The following SSBP2 variants were observed in gnomAD, a reference collection of about 807,000 sequenced individuals.
SSBP2 encodes the protein single-stranded DNA-binding protein 2.
A neutral mutation model predicts 61.8 loss-of-function variants in SSBP2; 17 were observed. The observed-to-expected ratio is 0.28, with a 90% CI of 0.19 to 0.41. The LOEUF is 0.41. SSBP2 is among the 10% of genes least tolerant of loss of function. SSBP2 has a pLI of 1.00. For missense variants in SSBP2, 310 were observed against 458.7 expected, an observed-to-expected ratio of 0.68 and a Z score of 2.96; for synonymous variants, 139 against 141.3, an observed-to-expected ratio of 0.98 and a Z score of 0.12.
intron 4 of SSBP2, among the ~76,000 whole-genome samples, chr5:81,599,428 T>C (rs915182521): frequency 1.3e-5 from 2 of 152,244 alleles, no homozygotes; most frequent in Non-Finnish European, 2.9e-5. Flanking sequence ...AAATACTATA[T>C]GTTTTATTAT....
At chr5:81,634,996 ATG>A (rs1313805023) in intron 3 of SSBP2, among the ~76,000 whole-genome samples, 1 of 152,126 alleles carries the variant, frequency 6.6e-6, no homozygotes. Flanking sequence ...GAGGGTAGGG[ATG>A]TGTGTGTGTT....
intron 1 of SSBP2, among the ~76,000 whole-genome samples, chr5:81,655,878 A>T (rs762594585): frequency 6.6e-6 from 1 of 152,230 alleles, no homozygotes; most frequent in Non-Finnish European, 1.5e-5. Flanking sequence ...TATTCCTTCA[A>T]CTAGGCTTCA....
At chr5:81,648,600 G>A (rs1749469894) in intron 2 of SSBP2, among the ~76,000 whole-genome samples, 1 of 152,024 alleles carries the variant, frequency 6.6e-6, no homozygotes, top group Non-Finnish European at 1.5e-5. Flanking sequence ...CCAAACTGGT[G>A]AGATCACCAG....
In SSBP2 at chr5:81,655,570, C is replaced by G. The variant is rs956637090; in HGVS notation, c.63-5231G>C. Among the ~76,000 whole-genome samples, 3 of 152,210 alleles carry G rather than the reference C, an allele frequency of 2.0e-5. No homozygotes were observed. The East Asian group carries it at 5.8e-4, about 29-fold the overall frequency. On this transcript the variant is annotated intron_variant, in intron 1 of 16. Transcript: ENST00000320672. ...CAATTCTAGAGAGGGAGCCAAAGCCCGAAATGCAAAATATATCTGGTACAG... is the reference window on the plus strand; with the variant it reads ...CAATTCTAGAGAGGGAGCCAAAGCCGGAAATGCAAAATATATCTGGTACAG...
intron 1 of SSBP2, among the ~76,000 whole-genome samples, chr5:81,740,054 C>T (rs1271216944): frequency 6.6e-6 from 1 of 152,154 alleles, no homozygotes; most frequent in East Asian, 1.9e-4. Context: ...TGCTTATACT[C>T]TAATCTTTCT....
intron 4 of SSBP2, among the ~76,000 whole-genome samples, chr5:81,515,024 C>T (rs1404191395): frequency 2.0e-5 from 3 of 151,872 alleles, no homozygotes; most frequent in Non-Finnish European, 4.4e-5. Context: ...TTTCAATTAG[C>T]GCACATTAAT....
intron 4 of SSBP2, among the ~76,000 whole-genome samples, chr5:81,611,478 T>C (rs755160897): frequency 7.9e-5 from 12 of 152,182 alleles, no homozygotes; most frequent in Non-Finnish European, 1.3e-4. Context: ...TTTTCTATGA[T>C]TTCTACATCT....
chr5:81,583,844 C>T (rs1203555577), intron 4 of SSBP2, among the ~76,000 whole-genome samples: 1 of 152,138 alleles, frequency 6.6e-6, no homozygotes, highest in Non-Finnish European at 1.5e-5. Context: ...CAGAAAGGTG[C>T]ATCCATAATT....
intron 4 of SSBP2, among the ~76,000 whole-genome samples, chr5:81,525,153 G>C (rs1769820628): frequency 6.6e-6 from 1 of 151,938 alleles, no homozygotes. Context: ...AACTGGATCT[G>C]AATGTCTCAA....
intron 1 of SSBP2, among the ~76,000 whole-genome samples, chr5:81,704,770 T>C (rs1754244085): frequency 8.9e-6 from 1 of 111,988 alleles, no homozygotes; most frequent in Non-Finnish European, 1.7e-5. Context: ...CACTCCAGCC[T>C]GGGTGACGGG....
In SSBP2 at chr5:81,573,362, T is replaced by A. The variant is rs1773970930; in HGVS notation, c.282+42111A>T. Among the ~76,000 whole-genome samples, 3 of 152,252 alleles carry A rather than the reference T, an allele frequency of 2.0e-5. No homozygotes were observed. The South Asian group carries it at 6.2e-4, about 31-fold the overall frequency. On this transcript the variant is annotated intron_variant, in intron 4 of 16. Transcript: ENST00000320672. ...AGAAGGGAAGTCTGTTACTGGCTTT[T>A]GCCAATGTCGAAAGCATGGCTGAGA...
chr5:81,738,583 C>G (rs892184297), intron 1 of SSBP2, among the ~76,000 whole-genome samples: 1 of 152,134 alleles, frequency 6.6e-6, no homozygotes, highest in Non-Finnish European at 1.5e-5. Flanking sequence ...TTTAAAATTA[C>G]CTGTTCCTCC....
At chr5:81,512,208 C>T (rs1245432712) in intron 5 of SSBP2, among the ~76,000 whole-genome samples, 1 of 152,138 alleles carries the variant, frequency 6.6e-6, no homozygotes, top group Non-Finnish European at 1.5e-5. Context: ...AACTACGAGG[C>T]TTAAAAGATA....
intron 1 of SSBP2, among the ~76,000 whole-genome samples, chr5:81,723,082 A>C (rs1168307057): frequency 6.6e-6 from 1 of 152,028 alleles, no homozygotes; most frequent in Non-Finnish European, 1.5e-5. Context: ...TGCTAATTAA[A>C]GAAGTTTTTG....
chr5:81,693,192 G>C (rs1581360941), intron 1 of SSBP2, among the ~76,000 whole-genome samples: 1 of 116,120 alleles, frequency 8.6e-6, no homozygotes, highest in Non-Finnish European at 1.7e-5. Context: ...GATGGAGCAA[G>C]ACTTTGTCTT....
chr5:81,657,051 G>C (rs1020529250), intron 1 of SSBP2, among the ~76,000 whole-genome samples: 1 of 152,058 alleles, frequency 6.6e-6, no homozygotes, highest in Admixed American at 6.6e-5. Flanking sequence ...TTTTATTGCA[G>C]GCCTTTTTTC....
intron 1 of SSBP2, among the ~76,000 whole-genome samples, chr5:81,693,161 G>A (rs980274203): frequency 3.5e-5 from 5 of 144,204 alleles, no homozygotes; most frequent in Admixed American, 1.4e-4. Context: ...CCTAGATCAC[G>A]CCACTGCACT....
At chr5:81,567,867 T>C (rs1561547897) in intron 4 of SSBP2, among the ~76,000 whole-genome samples, 2 of 152,186 alleles carry the variant, frequency 1.3e-5, no homozygotes, top group Admixed American at 6.5e-5. Flanking sequence ...ATGGAGCCTG[T>C]AGCCCCTTTG....
intron 3 of SSBP2, 75 bp downstream of exon 3, chr5:81,636,482 A>C: frequency 8.9e-7 from 1 of 1,129,542 alleles, no homozygotes; most frequent in Non-Finnish European, 1.2e-6. Flanking sequence ...GGAAGCATGA[A>C]ATCATAAACA....
Sources: allele counts gnomAD v4.1 joint callset (sites outside exome capture counted in the v4.1 genomes callset), GRCh38; gene constraint gnomAD v4.1.1; transcripts MANE v1.5; gene names NCBI Gene and HGNC (gene_info 2026-07-23, HGNC 2026-07-21).